ANKS1A: variants seen among roughly 807,000 people sequenced by gnomAD.
The protein encoded by ANKS1A is ankyrin repeat and sterile alpha motif domain containing 1A.
A neutral mutation model predicts 120.3 loss-of-function variants in ANKS1A; 55 were observed. The ratio of observed to expected loss-of-function variants is 0.46; its 90% CI spans 0.37 to 0.57. The LOEUF is 0.57. Ranked by LOEUF, ANKS1A falls within the 20% of genes least tolerant of loss-of-function variation. ANKS1A has a pLI of 0.00. For synonymous variants in ANKS1A, 590 were observed against 604.7 expected (o/e 0.98, Z 0.36); for missense variants, 1,123 against 1,480.3 (o/e 0.76, Z 3.96).
intron 17 of ANKS1A, among the ~76,000 whole-genome samples, 191 bp downstream of exon 17, chr6:35,081,349 C>T (rs1022324869): frequency 6.6e-6 from 1 of 152,194 alleles, no homozygotes; most frequent in Non-Finnish European, 1.5e-5. Flanking sequence ...CCCATGGTGC[C>T]GAGCTCGGGC....
chr6:34,921,064 A>ACACAATAAG (rs1052203961), intron 1 of ANKS1A, among the ~76,000 whole-genome samples: 64 of 152,256 alleles, frequency 4.2e-4, no homozygotes, highest in Admixed American at 9.2e-4. Context: ...TTATGGACAA[A>ACACAATAAG]CACAATAAGC....
chr6:35,009,209 GTC>G (rs1327851103), intron 10 of ANKS1A, among the ~76,000 whole-genome samples: 1 of 152,168 alleles, frequency 6.6e-6, no homozygotes, highest in Non-Finnish European at 1.5e-5. Context: ...ACTTCACAGA[GTC>G]TCTCCAAGGT....
chr6:35,018,729 G>A (rs67385931), intron 11 of ANKS1A, among the ~76,000 whole-genome samples: 1 of 151,820 alleles, frequency 6.6e-6, no homozygotes, highest in Non-Finnish European at 1.5e-5. Flanking sequence ...GTCTATTGTT[G>A]TATCTTTATG....
intron 1 of ANKS1A, among the ~76,000 whole-genome samples, chr6:34,897,920 T>C (rs1767171460): frequency 6.6e-6 from 1 of 152,170 alleles, no homozygotes; most frequent in Admixed American, 6.5e-5. Flanking sequence ...CTATGGTGGC[T>C]AAGGATCAGG....
At chr6:35,073,922 T>C (rs1466390068) in intron 13 of ANKS1A, among the ~76,000 whole-genome samples, 1 of 152,240 alleles carries the variant, frequency 6.6e-6, no homozygotes, top group Non-Finnish European at 1.5e-5. Flanking sequence ...GGTGCGGAGA[T>C]ATGGCTACTT....
Position 35,079,602 on chromosome 6 carries a change from C to T in ANKS1A, c.2370C>T (p.Ser790=). The part of the protein sequence containing the change: ...DSLGLQDYVH[S]FLSSGYSSID... ...TGGGGCTGCAGGACTACGTCCATTC[C>T]TTCTTGTCAAGTGGTTACAGCTCCA... The change falls in exon 15 of 24, where the codon TCC becomes TCT. Residue 790 remains serine (S), a synonymous_variant. Coordinates refer to ENST00000360359, the MANE Select transcript of ANKS1A (RefSeq NM_015245.3). 1 of 1,614,188 alleles carries T rather than the reference C, an allele frequency of 6.2e-7. No homozygotes were observed. Among genetic ancestry groups the T allele is most frequent in the Non-Finnish European group, 8.5e-7 (1 of 1,180,014 alleles).
intron 13 of ANKS1A, among the ~76,000 whole-genome samples, chr6:35,072,286 C>A (rs999863111): frequency 6.6e-6 from 1 of 152,244 alleles, no homozygotes; most frequent in Admixed American, 6.5e-5. Context: ...CGACCCTTGT[C>A]ATGCTCCTTC....
intron 1 of ANKS1A, among the ~76,000 whole-genome samples, chr6:34,931,662 G>A (rs1413596405): frequency 6.6e-6 from 1 of 152,134 alleles, no homozygotes; most frequent in Non-Finnish European, 1.5e-5. Flanking sequence ...GGAAATTGCT[G>A]TACTTTTTCT....
At chr6:34,970,387 A>G (rs913487491) in intron 3 of ANKS1A, among the ~76,000 whole-genome samples, 4 of 152,248 alleles carry the variant, frequency 2.6e-5, no homozygotes, top group South Asian at 2.1e-4. Flanking sequence ...TACTATGAGG[A>G]TGTATTTTAT....
chr6:35,063,664 C>T (rs820082), intron 13 of ANKS1A, among the ~76,000 whole-genome samples: 33,905 of 152,152 alleles, frequency 0.22, 4,065 homozygotes, highest in African/African-American at 0.27. Flanking sequence ...AGGAGGACTC[C>T]GGGGGCTTCA....
intron 11 of ANKS1A, among the ~76,000 whole-genome samples, chr6:35,048,245 A>G (rs1459859110): frequency 6.6e-6 from 1 of 152,206 alleles, no homozygotes; most frequent in Non-Finnish European, 1.5e-5. Flanking sequence ...AGGGGAGTTG[A>G]AAAAGAAGGT....
chr6:34,967,311 T>C lies in ANKS1A; in HGVS notation c.270T>C (p.Asn90=). ...CACCCCTGCACCATGCTGCTTTGAA[T>C]GGCCATAAGTAAGTATCAATGTACT... is the stretch of plus-strand genomic sequence containing the variant. ...GYTPLHHAAL[N]GHKDVVEVLL... Residue 90 remains asparagine (N), a synonymous_variant, in exon 2 of 24, where the codon AAT becomes AAC. Coordinates refer to ENST00000360359, the MANE Select transcript of ANKS1A (RefSeq NM_015245.3). 4 of 1,613,994 alleles carry C rather than the reference T, an allele frequency of 2.5e-6. No individual in the cohort carries two copies. Among genetic ancestry groups the C allele is most frequent in the Non-Finnish European group, 3.4e-6 (4 of 1,179,968 alleles).
intron 13 of ANKS1A, among the ~76,000 whole-genome samples, chr6:35,068,134 T>C (rs1473675621): frequency 3.3e-5 from 5 of 152,202 alleles, no homozygotes; most frequent in Admixed American, 3.3e-4. Context: ...CCTCAGGTGA[T>C]CCACTCGCCT....
At position 34,889,419 on chromosome 6, in the gene ANKS1A, A is replaced by T; in HGVS notation, c.17A>T (p.Glu6Val). 1 of 1,282,362 alleles carries T rather than the reference A, an allele frequency of 7.8e-7. No homozygotes were observed. Among genetic ancestry groups the T allele is most frequent in the Non-Finnish European group, 9.8e-7 (1 of 1,018,768 alleles). The allele number at this position is 1,282,362 out of a possible 1,614,324, so 79.4% of individuals were successfully genotyped here. Residue 6 changes from glutamate (E) to valine (V), a missense_variant, in exon 1 of 24, where the codon GAG becomes GTG. Physicochemically the swap from Glu to Val is moderately radical, Grantham distance 121. Transcript: ENST00000360359. This position sits in a 1 kb window ranked among gnomAD's most constrained non-coding sequence, Gnocchi z 5.5. ...GCCCTGGGGATGGGGAAGGAGCAGGAGCTGCTGGAGGCGGCCCGCACCGGG... is the reference window on the plus strand; with the variant it reads ...GCCCTGGGGATGGGGAAGGAGCAGGTGCTGCTGGAGGCGGCCCGCACCGGG... The part of the protein sequence containing the change: MGKEQ[E>V]LLEAARTGHL...
At chr6:34,919,043 G>A (rs960932166) in intron 1 of ANKS1A, among the ~76,000 whole-genome samples, 2 of 152,034 alleles carry the variant, frequency 1.3e-5, no homozygotes, top group Non-Finnish European at 2.9e-5. Context: ...GTAGAGACAC[G>A]GTTTCACCAT....
intron 1 of ANKS1A, among the ~76,000 whole-genome samples, chr6:34,949,730 A>G (rs1364725560): frequency 6.6e-6 from 1 of 152,210 alleles, no homozygotes; most frequent in Non-Finnish European, 1.5e-5. Flanking sequence ...AATGTCTTCT[A>G]AAGTCCACTC....
At chr6:35,046,646 T>C (rs901809595) in intron 11 of ANKS1A, among the ~76,000 whole-genome samples, 1 of 152,220 alleles carries the variant, frequency 6.6e-6, no homozygotes, top group Non-Finnish European at 1.5e-5. Context: ...CACTTAGCAA[T>C]CATGTTATTT....
At position 35,085,807 on chromosome 6, in the gene ANKS1A, C is replaced by T. The variant is rs557547555; in HGVS notation, c.3174C>T (p.Phe1058=). The change falls in exon 22 of 24, where the codon TTC becomes TTT. Residue 1058 remains phenylalanine, a synonymous_variant. Transcript: ENST00000360359. The surrounding 1 kb of genome is among the most constrained non-coding windows in gnomAD (Gnocchi z 4.7). ...TCATCCTGACGCTGGGGCAGGCCTT[C>T]GAAGTGGCCTATCAGTTGGCCCTGC... The part of the protein sequence containing the change: ...YEIILTLGQA[F]EVAYQLALQA... The T allele has an allele frequency of 1.4e-5, 22 of 1,610,584 alleles. No individual in the cohort carries two copies. The highest frequency in any genetic ancestry group is 8.9e-5 in the East Asian group (4 of 44,832).
At chr6:34,927,762 G>C (rs79438940) in intron 1 of ANKS1A, among the ~76,000 whole-genome samples, 89 of 152,312 alleles carry the variant, frequency 5.8e-4, no homozygotes, top group African/African-American at 2.0e-3. Context: ...AAGGTGACCT[G>C]AGCCTCTAAT....
Sources: gnomAD v4.1 joint callset for allele counts (sites outside exome capture counted in the v4.1 genomes callset) on GRCh38, gnomAD v4.1.1 for gene constraint, Gnocchi (gnomAD v3.1) non-coding constraint, MANE v1.5 for transcripts, NCBI Gene and HGNC (gene_info 2026-07-23, HGNC 2026-07-21) for gene names.